Variants in PNPLA7 observed in about 807,000 individuals in gnomAD.
The protein encoded by PNPLA7 is patatin like domain 7, lysophospholipase, also known as patatin-like phospholipase domain-containing protein 7.
In PNPLA7, 153 loss-of-function variants were observed where a neutral mutation model predicts 161.7. The ratio of observed to expected loss-of-function variants is 0.95; its 90% confidence interval spans 0.83 to 1.08. PNPLA7 has a LOEUF of 1.08. Ranked by LOEUF, PNPLA7 falls within the 50% of genes least tolerant of loss-of-function variation. The probability of loss-of-function intolerance (pLI) is 0.00; values close to 1 mark genes in which losing one functional copy is unlikely to be tolerated. For synonymous variants in PNPLA7, 809 were observed against 782.1 expected (o/e 1.03, Z -0.57); for missense variants, 1,739 against 1,856.6 (o/e 0.94, Z 1.16).
Position 137,498,239 on chromosome 9 carries a change from C to T in PNPLA7, c.1764G>A (p.Met588Ile), listed in dbSNP as rs769392174. The T allele has an allele frequency of 6.2e-7, 1 of 1,610,982 alleles. No homozygotes were observed. Residue 588 changes from methionine (M) to isoleucine (I), a missense_variant, in exon 17 of 35, where the codon ATG (methionine) becomes ATA (isoleucine). Physicochemically the swap from Met to Ile is conservative, Grantham distance 10. Around this residue, in one of 6 missense-constraint regions of PNPLA7, gnomAD observed 481 missense variants for 450.0 expected, o/e 1.07. Transcript: ENST00000406427. ...CCAGGACGACGGTCGGCTGCTTCCG[C>T]ATGATTCTGCCGGGCAGCCCAGAGT... ...SISKAHFYEI[M>I]RKQPTVVLGV...
In PNPLA7 at chr9:137,547,349, A is replaced by G; in HGVS notation, c.153T>C (p.Gly51=). 3 of 1,613,542 alleles carry G rather than the reference A, an allele frequency of 1.9e-6. No homozygotes were observed. Among genetic ancestry groups the G allele is most frequent in the East Asian group, 2.2e-5 (1 of 44,868 alleles). ...VGALLALALV[G]VLILFMFRRL... ...TTCTGAACATGAAAAGGATGAGGACACCAACCAAGGCCAGGGCCAGGAGGG... is the reference window on the plus strand; with the variant it reads ...TTCTGAACATGAAAAGGATGAGGACGCCAACCAAGGCCAGGGCCAGGAGGG... The change falls in exon 3 of 35, where the codon GGT becomes GGC. Residue 51 remains glycine (G), a synonymous_variant. Transcript: ENST00000406427. This position sits in a 1 kb window ranked among gnomAD's most constrained non-coding sequence, Gnocchi z 4.6.
chr9:137,495,236 G>A lies in PNPLA7; in HGVS notation c.2014-90C>T, dbSNP rs1030149143. On this transcript the variant is annotated intron_variant, in intron 18 of 34. Transcript: ENST00000406427. ...CTGACAGCCTCCGGTGCCTGCCAGA[G>A]CCACACATGACACCCCATCCACACC... 12 of 871,862 alleles carry A rather than the reference G, an allele frequency of 1.4e-5. No individual in the cohort carries two copies. In the Admixed American group the frequency reaches 2.2e-4, roughly 16 times the overall value. The allele number at this position is 871,862 out of a possible 1,614,324, so 54.0% of individuals were successfully genotyped here. A position where few individuals can be genotyped will look rare whatever the true frequency, so the allele number is the denominator to read the frequency against.
chr9:137,497,737 A>C (rs1588605194), intron 17 of PNPLA7, among the ~76,000 whole-genome samples: 1 of 152,080 alleles, frequency 6.6e-6, no homozygotes, highest in Non-Finnish European at 1.5e-5. Flanking sequence ...CCATGTTGGC[A>C]AGGCTGGTCT....
At chr9:137,495,445 C>CT (rs149226547) in intron 18 of PNPLA7, among the ~76,000 whole-genome samples, 124 of 147,534 alleles carry the variant, frequency 8.4e-4, no homozygotes, top group Non-Finnish European at 1.0e-3. Flanking sequence ...GAGAACACCT[C>CT]TTTTTTTTTT....
intron 8 of PNPLA7, among the ~76,000 whole-genome samples, chr9:137,529,804 C>T (rs951091253): frequency 6.6e-6 from 1 of 151,646 alleles, no homozygotes; most frequent in African/African-American, 2.4e-5. Context: ...ATTACAGGCA[C>T]ACACCACCAC....
chr9:137,465,736 G>T (rs576490997), intron 26 of PNPLA7, among the ~76,000 whole-genome samples: 4 of 152,188 alleles, frequency 2.6e-5, no homozygotes, highest in African/African-American at 9.7e-5. Flanking sequence ...AGCTGCTGCC[G>T]CACAGGGGGT....
chr9:137,462,877 G>A, intron 29 of PNPLA7, 44 bp from the exon 30 acceptor site: 1 of 1,606,388 alleles, frequency 6.2e-7, no homozygotes, highest in South Asian at 1.1e-5. Context: ...CAGGCATGCA[G>A]AGCCAGGGGA....
In PNPLA7 at chr9:137,461,915, G is replaced by C; in HGVS notation, c.3756+16C>G. 6.5e-7 allele frequency: 1 copy of C among 1,538,870 alleles called. No homozygotes were observed. Among genetic ancestry groups the C allele is most frequent in the Non-Finnish European group, 8.7e-7 (1 of 1,147,330 alleles). ...CGGTCCGGGGAGCTGGGCGTGGTCC[G>C]GACGCCCGTACTCACCGCACTCGCG... On this transcript the variant is annotated intron_variant, in intron 32 of 34. Transcript: ENST00000406427.
rs368214478 is a variant in PNPLA7, at chr9:137,460,363, C to T, written c.*30G>A. 5 of 1,592,980 alleles carry T rather than the reference C, an allele frequency of 3.1e-6. No homozygotes were observed. Among genetic ancestry groups the T allele is most frequent in the East Asian group, 2.3e-5 (1 of 44,384 alleles). On this transcript the variant is annotated 3_prime_UTR_variant, in exon 35 of 35. Transcript: ENST00000406427. ...GCCTTGGGGACAGTCCCACGGAAGA[C>T]GCTGCATCCGGGCTCTTTAGCAGAG...
Position 137,542,734 on chromosome 9 carries a change from G to A in PNPLA7, c.574C>T (p.Gln192Ter). The A allele has an allele frequency of 1.2e-6, 2 of 1,613,744 alleles. No homozygotes were observed. Among genetic ancestry groups the A allele is most frequent in the Admixed American group, 1.7e-5 (1 of 60,020 alleles). ...LCKHIVFVQLQEGEHVFQPRE... is the reference protein window; with the variant it reads ...LCKHIVFVQL ...GGCTGGAAGACGTGCTCCCCTTCCT[G>A]CAGCTGCACAAAGACGATGTGTTTG... The change falls in exon 7 of 35, where the codon CAG (glutamine) becomes TAG (stop). Residue 192 changes from glutamine (Q) to a stop codon, truncating the protein, a stop_gained. Transcript: ENST00000406427. LOFTEE classifies it high-confidence loss of function.
chr9:137,505,242 G>A (rs777663056), intron 14 of PNPLA7, among the ~76,000 whole-genome samples: 9 of 134,728 alleles, frequency 6.7e-5, no homozygotes, highest in Non-Finnish European at 1.3e-4. Flanking sequence ...TTAAATCCTA[G>A]ATGAACTAAT....
intron 25 of PNPLA7, among the ~76,000 whole-genome samples, chr9:137,473,771 A>G (rs1235075341): frequency 6.6e-6 from 1 of 152,208 alleles, no homozygotes; most frequent in African/African-American, 2.4e-5. Context: ...AGACCATTAG[A>G]ATGGGCAAAA....
chr9:137,518,133 C>G (rs1834732421), intron 11 of PNPLA7, among the ~76,000 whole-genome samples: 1 of 120,722 alleles, frequency 8.3e-6, no homozygotes, highest in African/African-American at 3.3e-5. Flanking sequence ...TCACTCCACT[C>G]TGTCCACTCC....
chr9:137,525,278 C>T (rs1294779021), intron 8 of PNPLA7, among the ~76,000 whole-genome samples: 1 of 152,158 alleles, frequency 6.6e-6, no homozygotes, highest in African/African-American at 2.4e-5. Flanking sequence ...GTGTTTTTTT[C>T]TTCATGTGCA....
At chr9:137,521,770 C>T (rs918856214) in intron 9 of PNPLA7, 54 bp from the exon 10 acceptor site, 1 of 1,490,024 alleles carries the variant, frequency 6.7e-7, no homozygotes, top group Non-Finnish European at 9.2e-7. Context: ...ACAGGGCGGG[C>T]CCCCGGCAGC....
Position 137,523,253 on chromosome 9 carries a change from A to C in PNPLA7, c.748-396T>G, listed in dbSNP as rs1322549098. ...TCGCCAAAGGGCGTGCCAGACACCA[A>C]CCTGAGCGGGCTTCCTAAAAAGGCC... On this transcript the variant is annotated intron_variant, in intron 8 of 34. Coordinates refer to ENST00000406427, the MANE Select transcript of PNPLA7 (RefSeq NM_001098537.3). The surrounding 1 kb of genome is among the most constrained non-coding windows in gnomAD (Gnocchi z 4.4). Among the ~76,000 whole-genome samples, 1 of 151,940 alleles carries C rather than the reference A, an allele frequency of 6.6e-6. No individual in the cohort carries two copies. Among genetic ancestry groups the C allele is most frequent in the Non-Finnish European group, 1.5e-5 (1 of 67,946 alleles).
chr9:137,491,928 G>T, intron 20 of PNPLA7: 2 of 985,484 alleles, frequency 2.0e-6, no homozygotes, highest in Non-Finnish European at 2.4e-6. Context: ...GGCCAGGGAG[G>T]CTGTGCTGAG....
chr9:137,545,972 T>G (rs1463291483), intron 4 of PNPLA7, among the ~76,000 whole-genome samples: 1 of 152,040 alleles, frequency 6.6e-6, no homozygotes, highest in Admixed American at 6.5e-5. Context: ...ACTCTACCCC[T>G]CCACCTCCTG....
intron 8 of PNPLA7, among the ~76,000 whole-genome samples, chr9:137,528,015 CTGA>C (rs1390681799): frequency 6.6e-6 from 1 of 152,190 alleles, no homozygotes; most frequent in Admixed American, 6.5e-5. Context: ...ATCTGCGTGG[CTGA>C]TTTTATGGGC....
Sources: gnomAD v4.1 joint callset for allele counts (sites outside exome capture counted in the v4.1 genomes callset) on GRCh38, gnomAD v4.1.1 for gene constraint, gnomAD v4.1.1 regional missense constraint, Gnocchi (gnomAD v3.1) non-coding constraint, MANE v1.5 for transcripts, NCBI Gene and HGNC (gene_info 2026-07-23, HGNC 2026-07-21) for gene names.